Variants in IL13RA1 observed in about 807,000 individuals in gnomAD.
IL13RA1 encodes the protein interleukin-13 receptor subunit alpha-1.
In IL13RA1, 14 loss-of-function variants were observed where a neutral mutation model predicts 33.8. That is an observed-to-expected ratio of 0.41 (90% CI 0.27 to 0.65). The LOEUF (loss-of-function observed/expected upper bound fraction) is 0.65. Among genes scored for constraint, IL13RA1 ranks in the 30% least tolerant of loss-of-function variants. The pLI is 0.28. For missense variants in IL13RA1, 313 were observed against 327.0 expected, an observed-to-expected ratio of 0.96 and a Z score of 0.33; for synonymous variants, 116 against 115.7, an observed-to-expected ratio of 1.00 and a Z score of -0.02.
chrX:118,738,001 A>G (rs2147366484), intron 1 of IL13RA1: 1 of 112,035 alleles, frequency 8.9e-6, no homozygotes, highest in African/African-American at 3.2e-5. Flanking sequence ...ATGGTGTTAG[A>G]AAGGCCAAAA....
chrX:118,795,723 A>G (rs1258661541), downstream of IL13RA1, among the ~76,000 whole-genome samples: 3 of 112,247 alleles, frequency 2.7e-5, no homozygotes, highest in South Asian at 3.7e-4. Context: ...GAGTGATCTA[A>G]GCACATTTGA....
intron 8 of IL13RA1, among the ~76,000 whole-genome samples, chrX:118,769,605 T>C (rs898649498): frequency 1.8e-5 from 2 of 113,151 alleles, no homozygotes; most frequent in Admixed American, 1.9e-4. Context: ...CAGTAAAATA[T>C]GTAGTCACTG....
At chrX:118,748,211 C>G (rs1463048694) in intron 3 of IL13RA1, among the ~76,000 whole-genome samples, 1 of 103,439 alleles carries the variant, frequency 9.7e-6, no homozygotes, top group Non-Finnish European at 2.0e-5. Context: ...GTCCTTAGCT[C>G]TATGTGCCCT....
At chrX:118,765,361 C>T (rs754167520) in intron 6 of IL13RA1, among the ~76,000 whole-genome samples, 5 of 110,375 alleles carry the variant, frequency 4.5e-5, no homozygotes, top group African/African-American at 1.7e-4. Context: ...CCACCCTCCT[C>T]AGCCTCCCAA....
chrX:118,782,156 T>C (rs1373256178), intron 10 of IL13RA1, among the ~76,000 whole-genome samples: 7 of 111,581 alleles, frequency 6.3e-5, no homozygotes. Context: ...CACTGTAGCC[T>C]CGACCTCCTG....
At chrX:118,800,578 C>G in the IL13RA1 span, among the ~76,000 whole-genome samples, 5 of 110,880 alleles carry the variant, frequency 4.5e-5, no homozygotes, top group East Asian at 1.4e-3. Flanking sequence ...GACGCGCCAC[C>G]TTAAGAGCTG....
At chrX:118,756,566 G>A (rs1159495663) in intron 4 of IL13RA1, among the ~76,000 whole-genome samples, 1 of 111,619 alleles carries the variant, frequency 9.0e-6, no homozygotes, top group Non-Finnish European at 1.9e-5. Context: ...ATCTGAAGAA[G>A]CAATGGAGCC....
At chrX:118,740,883 G>T in intron 1 of IL13RA1, 134 bp from the exon 2 acceptor site, 1 of 538,041 alleles carries the variant, frequency 1.9e-6, no homozygotes. Context: ...ATTTAGAATA[G>T]TCCCTGGCCC....
intron 10 of IL13RA1, among the ~76,000 whole-genome samples, chrX:118,786,438 T>C (rs1227601599): frequency 2.7e-5 from 3 of 111,575 alleles, no homozygotes; most frequent in African/African-American, 9.8e-5. Flanking sequence ...TTTCACCATA[T>C]TGCCCAGGCT....
At chrX:118,734,881 G>C (rs894322369) in intron 1 of IL13RA1, among the ~76,000 whole-genome samples, 8 of 111,507 alleles carry the variant, frequency 7.2e-5, no homozygotes, top group Admixed American at 3.8e-4. Flanking sequence ...TTAGATGTTT[G>C]GTAGAATTTT....
intron 1 of IL13RA1, among the ~76,000 whole-genome samples, chrX:118,729,962 G>A (rs1048640482): frequency 5.4e-5 from 6 of 112,053 alleles, no homozygotes; most frequent in Non-Finnish European, 9.4e-5. Context: ...AGGGCAGGAC[G>A]GCTTGGGACC....
At chrX:118,730,551 A>G (rs960029711) in intron 1 of IL13RA1, among the ~76,000 whole-genome samples, 8 of 111,756 alleles carry the variant, frequency 7.2e-5, no homozygotes, top group Non-Finnish European at 1.5e-4. Flanking sequence ...TTTGTGGTCA[A>G]GAAGGAACCT....
At chrX:118,784,085 A>AT (rs1200577967) in intron 10 of IL13RA1, among the ~76,000 whole-genome samples, 14 of 64,533 alleles carry the variant, frequency 2.2e-4, no homozygotes, top group African/African-American at 9.2e-4. Context: ...GCCAAAAAAA[A>AT]AAAAAATATA....
chrX:118,803,832 G>A, the IL13RA1 span, among the ~76,000 whole-genome samples: 1 of 107,329 alleles, frequency 9.3e-6, no homozygotes, highest in African/African-American at 3.4e-5. Flanking sequence ...ATTGGATTCT[G>A]GAAATTCTTC....
Position 118,793,632 on chromosome X carries a change from A to G in IL13RA1, c.*1778A>G, listed in dbSNP as rs777288402. ...CATTTCTCTCCTCACACACAGACTC[A>G]TATTACTGGTAGGAACTTGAGAACT... On this transcript the variant is annotated 3_prime_UTR_variant, in exon 11 of 11. Transcript: ENST00000371666. 8.9e-6 allele frequency: 1 copy of G among 112,214 alleles called. No homozygotes were observed. Among genetic ancestry groups the G allele is most frequent in the African/African-American group, 3.2e-5 (1 of 30,928 alleles). 9.2% of individuals were successfully genotyped at this position (112,214 alleles called of 1,213,427 possible).
chrX:118,757,204 C>G (rs570575380), intron 4 of IL13RA1, among the ~76,000 whole-genome samples: 2 of 111,629 alleles, frequency 1.8e-5, no homozygotes, highest in African/African-American at 6.5e-5. Flanking sequence ...CCTGTAGTCT[C>G]TATAGCTGCT....
chrX:118,757,375 C>A (rs749795703), intron 4 of IL13RA1, among the ~76,000 whole-genome samples: 1 of 109,016 alleles, frequency 9.2e-6, no homozygotes, highest in African/African-American at 3.3e-5. Context: ...ACTAAAAATA[C>A]AAAAATTAGC....
chrX:118,800,282 C>T, the IL13RA1 span, among the ~76,000 whole-genome samples: 1 of 110,079 alleles, frequency 9.1e-6, no homozygotes, highest in Non-Finnish European at 1.9e-5. Context: ...GCGCGGGTCC[C>T]CTTCCACTTC....
chrX:118,788,770 A>G (rs1212868843), intron 10 of IL13RA1, among the ~76,000 whole-genome samples: 1 of 112,073 alleles, frequency 8.9e-6, no homozygotes, highest in Non-Finnish European at 1.9e-5. Flanking sequence ...AAGCATATGT[A>G]TTAATATTTT....
Sources: allele counts gnomAD v4.1 joint callset (sites outside exome capture counted in the v4.1 genomes callset), GRCh38; gene constraint gnomAD v4.1.1; transcripts MANE v1.5; gene names NCBI Gene and HGNC (gene_info 2026-07-23, HGNC 2026-07-21).